The following CNRIP1 variants were observed in gnomAD, a reference collection of about 807,000 sequenced individuals.
CNRIP1 encodes the protein cannabinoid receptor interacting protein 1.
Under a neutral mutation model 15.2 loss-of-function variants are expected in CNRIP1, and 10 were observed. The observed-to-expected ratio is 0.66, with a 90% CI of 0.41 to 1.12. The LOEUF (loss-of-function observed/expected upper bound fraction) is 1.12. Ranked by LOEUF, CNRIP1 falls within the 50% of genes most tolerant of loss-of-function variation. The probability of loss-of-function intolerance (pLI) is 0.00; values close to 1 mark genes in which losing one functional copy is unlikely to be tolerated. For missense variants in CNRIP1, 211 were observed against 214.7 expected (o/e 0.98, Z 0.11); for synonymous variants, 91 against 83.2 (o/e 1.09, Z -0.51).
rs577726010 is a variant in CNRIP1 at position 68,315,635 on chromosome 2, G to T, written c.330+1522C>A. ...TATGGGCATATATTTGACATTGAAA[G>T]ATGTATACAAGTAGAAAAAAGTATA... On this transcript the variant is annotated intron_variant, in intron 2 of 2. Transcript: ENST00000263655. Among the ~76,000 whole-genome samples the T allele has an allele frequency of 2.0e-5, 3 of 152,094 alleles. No homozygotes were observed. The East Asian group carries it at 5.8e-4, about 29-fold the overall frequency.
intron 1 of CNRIP1, among the ~76,000 whole-genome samples, chr2:68,318,904 C>A (rs1672381174): frequency 6.6e-6 from 1 of 152,268 alleles, no homozygotes; most frequent in African/African-American, 2.4e-5. Flanking sequence ...CCTGCGGTTC[C>A]GCGCCCAAGG....
chr2:68,284,561 C>T, intron 2 of CNRIP1: 2 of 963,536 alleles, frequency 2.1e-6, no homozygotes, highest in East Asian at 2.8e-5. Context: ...CCCGTAATCC[C>T]AGCACTTTGG....
chr2:68,303,716 C>G (rs916740235), intron 2 of CNRIP1, among the ~76,000 whole-genome samples: 1 of 152,290 alleles, frequency 6.6e-6, no homozygotes, highest in Non-Finnish European at 1.5e-5. Context: ...ATGATTCAGA[C>G]TTAGTCATTA....
chr2:68,285,571 T>C (rs1671007994), intron 2 of CNRIP1, among the ~76,000 whole-genome samples: 1 of 150,686 alleles, frequency 6.6e-6, no homozygotes, highest in Non-Finnish European at 1.5e-5. Context: ...AGAGGATCAC[T>C]TGAGACTGGG....
At position 68,293,685 on chromosome 2, in the gene CNRIP1, A is replaced by C; in HGVS notation, c.*177T>G. 7.3e-7 allele frequency: 1 copy of C among 1,370,594 alleles called. No individual in the cohort carries two copies. Among genetic ancestry groups the C allele is most frequent in the Non-Finnish European group, 9.5e-7 (1 of 1,058,128 alleles). The allele number at this position is 1,370,594 out of a possible 1,614,324, so 84.9% of individuals were successfully genotyped here. A position where few individuals can be genotyped will look rare whatever the true frequency, so the allele number is the denominator to read the frequency against. Reference sequence around the variant, plus strand: ...CGGGAGTGGTACATCACCATCTTGTATGTGAGGGATATTGTGTCAGAGGGG... The same window carrying C: ...CGGGAGTGGTACATCACCATCTTGTCTGTGAGGGATATTGTGTCAGAGGGG... On this transcript the variant is annotated 3_prime_UTR_variant, in exon 3 of 3. Coordinates refer to ENST00000263655, the MANE Select transcript of CNRIP1 (RefSeq NM_015463.3).
intron 2 of CNRIP1, among the ~76,000 whole-genome samples, chr2:68,305,276 G>A (rs6730487): frequency 0.24 from 7,260 of 29,864 alleles, 286 homozygotes; most frequent in African/African-American, 0.31. Context: ...ATATATATAT[G>A]TGTGTGTGTG....
At chr2:68,302,155 A>G (rs1671635861) in intron 2 of CNRIP1, among the ~76,000 whole-genome samples, 1 of 152,100 alleles carries the variant, frequency 6.6e-6, no homozygotes, top group Admixed American at 6.6e-5. Flanking sequence ...TTGCCTATTT[A>G]TATCTTTTGC....
At chr2:68,305,275 T>TA in intron 2 of CNRIP1, among the ~76,000 whole-genome samples, 1 of 10,308 alleles carries the variant, frequency 9.7e-5, no homozygotes, top group East Asian at 5.8e-3. Context: ...TATATATATA[T>TA]GTGTGTGTGT....
intron 2 of CNRIP1, among the ~76,000 whole-genome samples, chr2:68,302,677 G>T (rs1671655108): frequency 6.6e-6 from 1 of 152,116 alleles, no homozygotes. Context: ...AGTAGCTGCA[G>T]TGTCACTATG....
At chr2:68,305,259 A>ATATATAT (rs1553415389) in intron 2 of CNRIP1, among the ~76,000 whole-genome samples, 1 of 100,364 alleles carries the variant, frequency 1.0e-5, no homozygotes, top group Admixed American at 1.1e-4. Context: ...AAAAAAAAAA[A>ATATATAT]ATATATATAT....
At chr2:68,287,989 C>T (rs999044043) in intron 2 of CNRIP1, among the ~76,000 whole-genome samples, 1 of 152,116 alleles carries the variant, frequency 6.6e-6, no homozygotes, top group Non-Finnish European at 1.5e-5. Flanking sequence ...TTTTAGTCTC[C>T]TTTAAAGGGA....
chr2:68,305,166 C>T (rs1671769081), intron 2 of CNRIP1, among the ~76,000 whole-genome samples: 1 of 150,752 alleles, frequency 6.6e-6, no homozygotes, highest in African/African-American at 2.4e-5. Context: ...ATTGCTTGAA[C>T]CCGGGAGGCA....
chr2:68,294,718 T>G (rs977492450), intron 2 of CNRIP1, among the ~76,000 whole-genome samples: 3 of 152,228 alleles, frequency 2.0e-5, no homozygotes, highest in African/African-American at 7.2e-5. Context: ...AGGCCATATT[T>G]TAACTATTAA....
In CNRIP1 at chr2:68,293,826, G is replaced by GA. The variant is rs1203814949; in HGVS notation, c.*35dup. 2.5e-6 allele frequency: 4 copies of GA among 1,600,394 alleles called. No individual in the cohort carries two copies. The highest frequency in any genetic ancestry group is 2.2e-5 in the East Asian group (1 of 44,602). Reference sequence around the variant, plus strand: ...CTGGTTTATCTAAAAGTAGATTTCTGAAAAGATTGTCCAGTAGCATCAGAA... The same window carrying GA: ...CTGGTTTATCTAAAAGTAGATTTCTGAAAAAGATTGTCCAGTAGCATCAGAA... On this transcript the variant is annotated 3_prime_UTR_variant, in exon 3 of 3. Transcript: ENST00000263655.
intron 2 of CNRIP1, among the ~76,000 whole-genome samples, chr2:68,302,900 G>T (rs935911067): frequency 6.9e-6 from 1 of 144,336 alleles, no homozygotes; most frequent in Non-Finnish European, 1.5e-5. Context: ...AGGCTGGAGT[G>T]CAGTGGTGCG....
intron 1 of CNRIP1, among the ~76,000 whole-genome samples, chr2:68,318,923 A>C (rs1444757339): frequency 6.6e-6 from 1 of 152,246 alleles, no homozygotes; most frequent in African/African-American, 2.4e-5. Context: ...GGCTGGACAG[A>C]AGGCAGGAGA....
chr2:68,294,111 G>A, intron 2 of CNRIP1, 85 bp from the exon 3 acceptor site: 1 of 1,401,648 alleles, frequency 7.1e-7, no homozygotes, highest in Non-Finnish European at 9.8e-7. Context: ...TGTAGCTCCT[G>A]GATAATCAAG....
downstream of CNRIP1, among the ~76,000 whole-genome samples, chr2:68,291,740 G>A (rs975869079): frequency 3.3e-5 from 5 of 151,992 alleles, no homozygotes; most frequent in African/African-American, 4.8e-5. Flanking sequence ...TTAGCTGAGC[G>A]TGGTAGCACA....
At chr2:68,311,354 CAAT>C (rs747317155) in intron 2 of CNRIP1, among the ~76,000 whole-genome samples, 5 of 150,302 alleles carry the variant, frequency 3.3e-5, no homozygotes, top group Non-Finnish European at 5.9e-5. Context: ...GATTAGAAAA[CAAT>C]GAAGTAGAAA....
Sources: gnomAD v4.1 joint callset for allele counts (sites outside exome capture counted in the v4.1 genomes callset) on GRCh38, gnomAD v4.1.1 for gene constraint, MANE v1.5 for transcripts, NCBI Gene and HGNC (gene_info 2026-07-23, HGNC 2026-07-21) for gene names.